CNTNAP2: variants seen among roughly 807,000 people sequenced by gnomAD.
The protein encoded by CNTNAP2 is contactin associated protein 2.
A neutral mutation model predicts 155.2 loss-of-function variants in CNTNAP2; 98 were observed. The observed-to-expected ratio is 0.63, with a 90% CI of 0.54 to 0.75. CNTNAP2 has a LOEUF of 0.75. CNTNAP2 is among the 30% of genes least tolerant of loss of function. The probability of loss-of-function intolerance (pLI) is 0.00; values close to 1 mark genes in which losing one functional copy is unlikely to be tolerated. For synonymous variants in CNTNAP2, 651 were observed against 631.2 expected (o/e 1.03, Z -0.47); for missense variants, 1,727 against 1,688.1 (o/e 1.02, Z -0.40).
chr7:147,716,947 AT>A (rs1178844665), intron 13 of CNTNAP2, among the ~76,000 whole-genome samples: 4 of 152,144 alleles, frequency 2.6e-5, no homozygotes, highest in African/African-American at 9.7e-5. Context: ...TGAACTTTAC[AT>A]TGATACCTTT....
chr7:148,179,275 A>C (rs1327205557), intron 18 of CNTNAP2, among the ~76,000 whole-genome samples: 1 of 152,122 alleles, frequency 6.6e-6, no homozygotes, highest in Non-Finnish European at 1.5e-5. Context: ...CTGAGAGGCC[A>C]AGGTGGGAAG....
At chr7:146,844,687 G>A (rs555901014) in intron 3 of CNTNAP2, among the ~76,000 whole-genome samples, 88 of 152,262 alleles carry the variant, frequency 5.8e-4, no homozygotes, top group African/African-American at 1.9e-3. Context: ...AGTAAAAGCA[G>A]TGGATGCCTT....
chr7:148,315,619 A>T (rs1563038596), intron 21 of CNTNAP2, among the ~76,000 whole-genome samples: 3 of 152,208 alleles, frequency 2.0e-5, no homozygotes, highest in Non-Finnish European at 4.4e-5. Context: ...CCTGACAAAA[A>T]TGTTGTTAAT....
intron 15 of CNTNAP2, among the ~76,000 whole-genome samples, chr7:147,983,858 A>G (rs575210898): frequency 5.3e-5 from 8 of 152,260 alleles, no homozygotes; most frequent in African/African-American, 1.9e-4. Flanking sequence ...ATAGATGGCA[A>G]ATGTTTCCAT....
intron 1 of CNTNAP2, among the ~76,000 whole-genome samples, chr7:146,277,273 T>C (rs761475029): frequency 5.9e-5 from 9 of 152,180 alleles, no homozygotes; most frequent in Admixed American, 6.5e-5. Context: ...TCAGAGAATA[T>C]GTTTCTGTTT....
intron 1 of CNTNAP2, among the ~76,000 whole-genome samples, chr7:146,677,968 A>G (rs2533122): frequency 0.81 from 123,001 of 152,058 alleles, 50,358 homozygotes; most frequent in South Asian, 0.91. Flanking sequence ...CGCATAGTTC[A>G]TGCTATTCTG....
chr7:147,132,016 G>T (rs1287456722), intron 7 of CNTNAP2, among the ~76,000 whole-genome samples: 1 of 152,040 alleles, frequency 6.6e-6, no homozygotes, highest in African/African-American at 2.4e-5. Flanking sequence ...GGTGGAAGCT[G>T]CTTGTTATAG....
chr7:146,783,194 AT>A (rs1802519410), intron 2 of CNTNAP2, among the ~76,000 whole-genome samples: 1 of 152,178 alleles, frequency 6.6e-6, no homozygotes, highest in African/African-American at 2.4e-5. Flanking sequence ...CTTAGAATCT[AT>A]ATATCTTATA....
chr7:146,658,384 CAAA>C (rs200493732), intron 1 of CNTNAP2, among the ~76,000 whole-genome samples: 12 of 139,672 alleles, frequency 8.6e-5, no homozygotes, highest in Non-Finnish European at 1.9e-4. Context: ...TGATTTCTGC[CAAA>C]AAAAAAAAAA....
intron 1 of CNTNAP2, among the ~76,000 whole-genome samples, chr7:146,280,931 C>T (rs1419096921): frequency 6.6e-6 from 1 of 152,170 alleles, no homozygotes; most frequent in East Asian, 1.9e-4. Context: ...ACCTGAGGAA[C>T]TTCTCAGGGT....
At chr7:146,777,438 T>C (rs1170435373) in intron 2 of CNTNAP2, among the ~76,000 whole-genome samples, 1 of 152,174 alleles carries the variant, frequency 6.6e-6, no homozygotes, top group Non-Finnish European at 1.5e-5. Context: ...GCAAGAAACA[T>C]ACATGTAGGG....
rs531124445 is a variant in CNTNAP2 at position 146,352,750 on chromosome 7, GTTT to G, written c.97+235796_97+235798del. 8.1e-4 allele frequency among the ~76,000 whole-genome samples: 52 copies of G among 64,306 alleles called. 1 individual carries two copies. Among genetic ancestry groups the G allele is most frequent in the African/African-American group, 3.2e-3 (50 of 15,564 alleles). The allele number at this position is 64,306 out of a possible 152,430, so 42.2% of individuals were successfully genotyped here. A position where few individuals can be genotyped will look rare whatever the true frequency, so the allele number is the denominator to read the frequency against. On this transcript the variant is annotated intron_variant, in intron 1 of 23. Coordinates refer to ENST00000361727, the MANE Select transcript of CNTNAP2 (RefSeq NM_014141.6). The stretch of plus-strand genomic sequence containing the variant: ...TTATAATTTCAATTAGCATAATTCT[GTTT>G]TTTTTTTTTTTTTTTTTTCGAGACA...
At chr7:147,537,120 A>C (rs1799556117) in intron 11 of CNTNAP2, among the ~76,000 whole-genome samples, 2 of 152,200 alleles carry the variant, frequency 1.3e-5, no homozygotes, top group South Asian at 4.1e-4. Flanking sequence ...AGATTCCCAA[A>C]TGTGGAAAGA....
At chr7:147,961,470 T>A (rs1035587378) in intron 14 of CNTNAP2, among the ~76,000 whole-genome samples, 1 of 152,280 alleles carries the variant, frequency 6.6e-6, no homozygotes, top group African/African-American at 2.4e-5. Context: ...CACCACTGAG[T>A]TACATTTTAA....
At chr7:147,166,743 G>A (rs1802121687) in intron 8 of CNTNAP2, among the ~76,000 whole-genome samples, 1 of 151,988 alleles carries the variant, frequency 6.6e-6, no homozygotes, top group Non-Finnish European at 1.5e-5. Flanking sequence ...TTTCTCTGGT[G>A]GGCAGAGTGG....
At chr7:146,506,734 G>C (rs1298046978) in intron 1 of CNTNAP2, among the ~76,000 whole-genome samples, 1 of 152,214 alleles carries the variant, frequency 6.6e-6, no homozygotes, top group Non-Finnish European at 1.5e-5. Flanking sequence ...ATTACCATAG[G>C]TGTCTCCTCC....
In CNTNAP2 at chr7:148,237,348, A is replaced by T. The variant is rs998000632; in HGVS notation, c.3381+7569A>T. Among the ~76,000 whole-genome samples, 2 of 152,348 alleles carry T rather than the reference A, an allele frequency of 1.3e-5. 1 individual carries two copies. The highest frequency in any genetic ancestry group is 4.2e-4 in the South Asian group (2 of 4,818). On this transcript the variant is annotated intron_variant, in intron 20 of 23. Coordinates refer to ENST00000361727, the MANE Select transcript of CNTNAP2 (RefSeq NM_014141.6). ...TAATGTCCAAAAATAATAGAGTAAA[A>T]GACATTGTGGTTCTATGCTATAACT...
At chr7:146,670,732 C>A (rs530646171) in intron 1 of CNTNAP2, among the ~76,000 whole-genome samples, 2 of 152,212 alleles carry the variant, frequency 1.3e-5, no homozygotes, top group East Asian at 3.9e-4. Flanking sequence ...CAATTCCAAG[C>A]CAGAGGGAGC....
chr7:147,807,994 A>T lies in CNTNAP2; in HGVS notation c.2099-95571A>T, dbSNP rs192263593. Reference sequence around the variant, plus strand: ...ATGTTCACTTTCTTTTTTAAAAAAAAAAAATAAAAAGTAGTTTGAGACTTC... The same window carrying T: ...ATGTTCACTTTCTTTTTTAAAAAAATAAAATAAAAAGTAGTTTGAGACTTC... On this transcript the variant is annotated intron_variant, in intron 13 of 23. Transcript: ENST00000361727. Among the ~76,000 whole-genome samples the T allele has an allele frequency of 2.0e-3, 310 of 152,144 alleles. 3 individuals carry two copies. Among genetic ancestry groups the T allele is most frequent in the African/African-American group, 5.4e-3 (226 of 41,498 alleles).
Sources: gnomAD v4.1 joint callset for allele counts (sites outside exome capture counted in the v4.1 genomes callset) on GRCh38, gnomAD v4.1.1 for gene constraint, MANE v1.5 for transcripts, NCBI Gene and HGNC (gene_info 2026-07-23, HGNC 2026-07-21) for gene names.